The following MAP2K6 variants were observed in gnomAD, a reference collection of about 807,000 sequenced individuals.
MAP2K6 encodes mitogen-activated protein kinase kinase 6.
In MAP2K6, 16 loss-of-function variants were observed where a neutral mutation model predicts 53.7. That is an observed-to-expected ratio of 0.30 (90% CI 0.20 to 0.45). The LOEUF is 0.45. MAP2K6 is among the 20% of genes least tolerant of loss of function. The pLI is 1.00. For synonymous variants in MAP2K6, 132 were observed against 143.1 expected (o/e 0.92, Z 0.55); for missense variants, 204 against 411.9 (o/e 0.50, Z 4.37).
chr17:69,503,374 G>A (rs1909271127), intron 1 of MAP2K6, among the ~76,000 whole-genome samples: 1 of 152,158 alleles, frequency 6.6e-6, no homozygotes, highest in African/African-American at 2.4e-5. Flanking sequence ...ATAGTTCCTG[G>A]TACATAGGAA....
Position 69,552,639 on chromosome 17 carries a change from G to A in MAP2K6, c.*10886G>A, listed in dbSNP as rs1912146764. 6.6e-6 allele frequency: 1 copy of A among 152,206 alleles called. No homozygotes were observed. Among genetic ancestry groups the A allele is most frequent in the African/African-American group, 2.4e-5 (1 of 41,446 alleles). 9.4% of individuals were successfully genotyped at this position (152,206 alleles called of 1,614,324 possible). On this transcript the variant is annotated 3_prime_UTR_variant, in exon 12 of 12. Transcript: ENST00000590474. The stretch of plus-strand genomic sequence containing the variant: ...AACTCTTTGCTTGTGAGCTGAAGAA[G>A]GAAAGAAGGAGTTGGGGGTGTATAT...
At position 69,516,908 on chromosome 17, in the gene MAP2K6, GA is replaced by G. The variant is rs1373068971; in HGVS notation, c.132+11del. ...TGCATTTCTATTGGAAATCAGGTAAGAAAAAATCATGTCTGCCACCTAATAC... is the reference window on the plus strand; with the variant it reads ...TGCATTTCTATTGGAAATCAGGTAAGAAAAATCATGTCTGCCACCTAATAC... On this transcript the variant is annotated splice_donor_region_variant and intron_variant, in intron 3 of 11. Transcript: ENST00000590474. 1 of 1,589,330 alleles carries G rather than the reference GA, an allele frequency of 6.3e-7. No individual in the cohort carries two copies. The highest frequency in any genetic ancestry group is 2.2e-5 in the East Asian group (1 of 44,650).
intron 1 of MAP2K6, among the ~76,000 whole-genome samples, chr17:69,453,680 C>G (rs1907306630): frequency 6.6e-6 from 1 of 152,184 alleles, no homozygotes; most frequent in Admixed American, 6.5e-5. Flanking sequence ...GAAACCTTTT[C>G]TAGTCCTCTC....
At chr17:69,435,512 T>A (rs1352798578) in intron 1 of MAP2K6, 2 of 140,304 alleles carry the variant, frequency 1.4e-5, no homozygotes, top group Non-Finnish European at 3.0e-5. Context: ...CCTGCCTGGG[T>A]GACAGAGTGA....
chr17:69,540,665 T>C (rs1158018429), intron 11 of MAP2K6, among the ~76,000 whole-genome samples: 2 of 152,120 alleles, frequency 1.3e-5, no homozygotes, highest in Admixed American at 1.3e-4. Flanking sequence ...AGACTTGTTA[T>C]GTTTTTAGAG....
intron 1 of MAP2K6, among the ~76,000 whole-genome samples, chr17:69,503,503 A>C (rs537787235): frequency 6.6e-6 from 1 of 152,354 alleles, no homozygotes; most frequent in South Asian, 2.1e-4. Context: ...AAGTAAACCC[A>C]AATGAGGAGA....
At position 69,502,628 on chromosome 17, in the gene MAP2K6, G is replaced by A. The variant is rs1318157746; in HGVS notation, c.17-3152G>A. ...TGTCCAACTTATATACATAGTCAAG[G>A]GTTTAGAGTCTGGAGACAGGAGGCT... On this transcript the variant is annotated intron_variant, in intron 1 of 11. Coordinates refer to ENST00000590474, the MANE Select transcript of MAP2K6 (RefSeq NM_002758.4). 12 of 985,254 alleles carry A rather than the reference G, an allele frequency of 1.2e-5. No individual in the cohort carries two copies. The South Asian group carries it at 2.8e-4, about 23-fold the overall frequency. The allele number at this position is 985,254 out of a possible 1,614,324, so 61.0% of individuals were successfully genotyped here.
At chr17:69,428,616 A>C (rs573399706) in intron 1 of MAP2K6, among the ~76,000 whole-genome samples, 403 of 152,334 alleles carry the variant, frequency 2.6e-3, no homozygotes, top group African/African-American at 8.5e-3. Context: ...AAACATGGTC[A>C]GCAAACTAAT....
At chr17:69,505,642 CCTGGGT>C (rs768922964) in intron 1 of MAP2K6, 132 bp from the exon 2 acceptor site, 1 of 701,826 alleles carries the variant, frequency 1.4e-6, no homozygotes, top group Non-Finnish European at 2.6e-6. Flanking sequence ...TCACAGACTT[CCTGGGT>C]AGGAAGTGGC....
In MAP2K6 at chr17:69,470,429, A is replaced by G. The variant is rs569249056; in HGVS notation, c.17-35351A>G. On this transcript the variant is annotated intron_variant, in intron 1 of 11. Transcript: ENST00000590474. ...TTCATCCAGGGAGGATAGATGCTTC[A>G]TCCGTCAGGGAAGGGAGGAAACCCT... Among the ~76,000 whole-genome samples the G allele has an allele frequency of 4.6e-5, 7 of 152,260 alleles. No homozygotes were observed. The South Asian group carries it at 1.2e-3, about 27-fold the overall frequency.
intron 1 of MAP2K6, among the ~76,000 whole-genome samples, chr17:69,448,963 C>T (rs764436511): frequency 1.3e-5 from 2 of 152,136 alleles, no homozygotes; most frequent in African/African-American, 2.4e-5. Flanking sequence ...CCATGTGTGG[C>T]GTGCCAAGGT....
At position 69,525,046 on chromosome 17, in the gene MAP2K6, G is replaced by A. The variant is rs936979726; in HGVS notation, c.741+68G>A. 21 of 1,387,692 alleles carry A rather than the reference G, an allele frequency of 1.5e-5. No individual in the cohort carries two copies. In the Admixed American group the frequency reaches 3.6e-4, roughly 24 times the overall value. The allele number at this position is 1,387,692 out of a possible 1,614,324, so 86.0% of individuals were successfully genotyped here. ...TGAAACTAGAATGAGGTGGACGTTG[G>A]GTTCAAGAAACAAATGCCCTAAATG... On this transcript the variant is annotated intron_variant, in intron 9 of 11. Transcript: ENST00000590474.
chr17:69,461,069 C>T (rs1284031775), intron 1 of MAP2K6, among the ~76,000 whole-genome samples: 1 of 152,186 alleles, frequency 6.6e-6, no homozygotes. Flanking sequence ...TCAAAACACT[C>T]AATATCCCTT....
rs1384693048 is a variant in MAP2K6, at chr17:69,553,698, T to C, written c.*11945T>C. 1 of 152,158 alleles carries C rather than the reference T, an allele frequency of 6.6e-6. No homozygotes were observed. The highest frequency in any genetic ancestry group is 2.4e-5 in the African/African-American group (1 of 41,426). The allele number at this position is 152,158 out of a possible 1,614,324, so 9.4% of individuals were successfully genotyped here. On this transcript the variant is annotated 3_prime_UTR_variant, in exon 12 of 12. Coordinates refer to ENST00000590474, the MANE Select transcript of MAP2K6 (RefSeq NM_002758.4). ...TTAACGATAGAGAAGACAGTGATAA[T>C]GGCAAAAAAAACACCCAACCACCTT...
chr17:69,502,962 A>C (rs773308120), intron 1 of MAP2K6, among the ~76,000 whole-genome samples: 3 of 152,212 alleles, frequency 2.0e-5, no homozygotes, highest in Non-Finnish European at 2.9e-5. Flanking sequence ...TTTCTCAATA[A>C]ATAGCTATTT....
intron 1 of MAP2K6, among the ~76,000 whole-genome samples, chr17:69,415,391 A>G (rs989437482): frequency 1.3e-5 from 2 of 152,256 alleles, no homozygotes; most frequent in African/African-American, 4.8e-5. Context: ...AAAACTCTAT[A>G]GGTGAAGATG....
intron 5 of MAP2K6, chr17:69,519,673 T>C (rs1160850420): frequency 2.1e-6 from 1 of 467,930 alleles, no homozygotes; most frequent in Non-Finnish European, 3.8e-6. Flanking sequence ...CTTTTTTGTT[T>C]TGTTTATCTT....
At chr17:69,529,317 G>C (rs1043443473) in intron 10 of MAP2K6, among the ~76,000 whole-genome samples, 3 of 151,916 alleles carry the variant, frequency 2.0e-5, no homozygotes, top group Non-Finnish European at 2.9e-5. Flanking sequence ...CTATGGACCT[G>C]CCATCAACTA....
In MAP2K6 at chr17:69,511,352, A is replaced by G. The variant is rs186190621; in HGVS notation, c.84-5503A>G. 1.9e-3 allele frequency among the ~76,000 whole-genome samples: 289 copies of G among 152,308 alleles called. 2 individuals carry two copies. The highest frequency in any genetic ancestry group is 6.8e-3 in the Middle Eastern group (2 of 294). ...TCCCACATTTTGTGTTTTTCTTGGC[A>G]ATTTTTGAAGGCTGGCTTGGTGATT... On this transcript the variant is annotated intron_variant, in intron 2 of 11. Transcript: ENST00000590474.
Sources: allele counts gnomAD v4.1 joint callset (sites outside exome capture counted in the v4.1 genomes callset), GRCh38; gene constraint gnomAD v4.1.1; transcripts MANE v1.5; gene names NCBI Gene and HGNC (gene_info 2026-07-23, HGNC 2026-07-21).